Variants in ROBO1 observed in about 807,000 individuals in gnomAD.
ROBO1 encodes the protein roundabout homolog 1.
Under a neutral mutation model 195.9 loss-of-function variants are expected in ROBO1, and 149 were observed. That is an observed-to-expected ratio of 0.76 (90% CI 0.67 to 0.87). The LOEUF is 0.87. Among genes scored for constraint, ROBO1 ranks in the 40% least tolerant of loss-of-function variants. The pLI is 0.00. For synonymous variants in ROBO1, 816 were observed against 733.2 expected, an observed-to-expected ratio of 1.11 and a Z score of -1.82; for missense variants, 1,933 against 2,068.3, an observed-to-expected ratio of 0.93 and a Z score of 1.27.
chr3:79,634,816 T>C (rs982848580), intron 1 of ROBO1, among the ~76,000 whole-genome samples: 1 of 152,202 alleles, frequency 6.6e-6, no homozygotes, highest in Non-Finnish European at 1.5e-5. Context: ...CCTTCAATGT[T>C]TGTAATGCAG....
intron 1 of ROBO1, among the ~76,000 whole-genome samples, chr3:79,767,321 C>A (rs558280062): frequency 1.6e-4 from 25 of 152,246 alleles, no homozygotes; most frequent in African/African-American, 6.0e-4. Flanking sequence ...CGCTGATGCT[C>A]GCCGCATCCC....
chr3:78,753,645 C>G (rs1387478549), intron 4 of ROBO1, among the ~76,000 whole-genome samples: 1 of 152,128 alleles, frequency 6.6e-6, no homozygotes, highest in Non-Finnish European at 1.5e-5. Flanking sequence ...TTAAGCTCCA[C>G]ACGCGTTAGC....
intron 2 of ROBO1, among the ~76,000 whole-genome samples, chr3:79,264,760 A>C (rs554003825): frequency 6.6e-6 from 1 of 152,098 alleles, no homozygotes; most frequent in South Asian, 2.1e-4. Context: ...GCATTGAATG[A>C]CATTACTACT....
chr3:79,338,300 A>C (rs1484084720), intron 2 of ROBO1, among the ~76,000 whole-genome samples: 2 of 152,218 alleles, frequency 1.3e-5, no homozygotes, highest in African/African-American at 4.8e-5. Context: ...AAACAGAACT[A>C]ATCATGTTTT....
intron 2 of ROBO1, among the ~76,000 whole-genome samples, chr3:79,291,382 G>A (rs541974978): frequency 6.6e-6 from 1 of 152,012 alleles, no homozygotes; most frequent in Non-Finnish European, 1.5e-5. Flanking sequence ...TCCAGCTCCC[G>A]TGTTATTTAT....
rs562144293 is a variant in ROBO1, at chr3:79,121,370, G to T, written c.172+4086C>A. On this transcript the variant is annotated intron_variant, in intron 3 of 30. Transcript: ENST00000464233. ...ATTTCTAAGCATGAGACAAAACAAG[G>T]TTTTGGGATTGGATTCAAGTTTATA... is the stretch of plus-strand genomic sequence containing the variant. Among the ~76,000 whole-genome samples the T allele has an allele frequency of 3.9e-5, 6 of 152,126 alleles. No homozygotes were observed. The East Asian group carries it at 1.2e-3, about 29-fold the overall frequency.
At chr3:79,342,750 T>A (rs1294207924) in intron 2 of ROBO1, among the ~76,000 whole-genome samples, 1 of 151,954 alleles carries the variant, frequency 6.6e-6, no homozygotes. Context: ...TAAAATAGAG[T>A]TGATGTTTTA....
chr3:79,263,928 T>C (rs2082986532), intron 2 of ROBO1, among the ~76,000 whole-genome samples: 1 of 152,100 alleles, frequency 6.6e-6, no homozygotes, highest in South Asian at 2.1e-4. Flanking sequence ...TGACTCCTTC[T>C]ATCCGATTCA....
chr3:79,203,081 C>T (rs145117296), intron 2 of ROBO1, among the ~76,000 whole-genome samples: 13 of 152,200 alleles, frequency 8.5e-5, no homozygotes, highest in African/African-American at 3.1e-4. Context: ...TTGCAAAGCA[C>T]ACTGAAAATT....
At chr3:78,621,948 A>T (rs1348540510) in intron 26 of ROBO1, among the ~76,000 whole-genome samples, 1 of 152,214 alleles carries the variant, frequency 6.6e-6, no homozygotes, top group Non-Finnish European at 1.5e-5. Flanking sequence ...TTCTTGTAAA[A>T]GTAACTATTA....
At chr3:79,738,013 G>A (rs1703460122) in intron 1 of ROBO1, among the ~76,000 whole-genome samples, 2 of 152,224 alleles carry the variant, frequency 1.3e-5, no homozygotes, top group South Asian at 4.1e-4. Flanking sequence ...GGATCCCTTT[G>A]AGGAGTGACA....
intron 2 of ROBO1, among the ~76,000 whole-genome samples, chr3:79,441,411 A>G (rs1327927362): frequency 6.6e-6 from 1 of 152,108 alleles, no homozygotes; most frequent in East Asian, 1.9e-4. Context: ...GTATTTCTGT[A>G]TGGCGGCACT....
intron 2 of ROBO1, among the ~76,000 whole-genome samples, chr3:79,432,307 CCA>C (rs1043869266): frequency 1.3e-5 from 2 of 151,882 alleles, no homozygotes; most frequent in African/African-American, 4.8e-5. Flanking sequence ...CATATTTATT[CCA>C]GTTTACTTAT....
At chr3:79,349,878 C>A (rs536497424) in intron 2 of ROBO1, among the ~76,000 whole-genome samples, 1 of 152,088 alleles carries the variant, frequency 6.6e-6, no homozygotes, top group Admixed American at 6.6e-5. Context: ...ATCTATGTGA[C>A]CTTGGCTTTT....
intron 2 of ROBO1, among the ~76,000 whole-genome samples, chr3:79,207,564 G>C (rs1283868223): frequency 6.6e-6 from 1 of 152,104 alleles, no homozygotes; most frequent in Non-Finnish European, 1.5e-5. Flanking sequence ...ATAATAGTGA[G>C]AGCTTGATTT....
intron 17 of ROBO1, among the ~76,000 whole-genome samples, chr3:78,658,935 C>G (rs1364433681): frequency 1.3e-5 from 2 of 152,012 alleles, no homozygotes; most frequent in Non-Finnish European, 2.9e-5. Flanking sequence ...TTAAATTGAC[C>G]ATGAAGTTAC....
chr3:78,954,791 C>T (rs1340352933), intron 3 of ROBO1, among the ~76,000 whole-genome samples: 1 of 151,940 alleles, frequency 6.6e-6, no homozygotes, highest in African/African-American at 2.4e-5. Context: ...CCTCAATATA[C>T]AGAACATGAG....
chr3:78,960,185 T>G (rs1019850797), intron 3 of ROBO1, among the ~76,000 whole-genome samples: 3 of 152,040 alleles, frequency 2.0e-5, no homozygotes, highest in African/African-American at 7.2e-5. Context: ...TCTAAAAACA[T>G]AGAAAATTAA....
chr3:78,777,335 T>G (rs1006399585), intron 4 of ROBO1, among the ~76,000 whole-genome samples: 1 of 152,180 alleles, frequency 6.6e-6, no homozygotes, highest in Non-Finnish European at 1.5e-5. Flanking sequence ...GATGTCAATT[T>G]AAAGACGATT....
Sources: allele counts gnomAD v4.1 joint callset (sites outside exome capture counted in the v4.1 genomes callset), GRCh38; gene constraint gnomAD v4.1.1; transcripts MANE v1.5; gene names NCBI Gene and HGNC (gene_info 2026-07-23, HGNC 2026-07-21).